SUMF1: variants seen among roughly 807,000 people sequenced by gnomAD.
The protein encoded by SUMF1 is sulfatase modifying factor 1.
A neutral mutation model predicts 47.6 loss-of-function variants in SUMF1; 48 were observed. That is an observed-to-expected ratio of 1.01 (90% CI 0.80 to 1.28). The LOEUF (loss-of-function observed/expected upper bound fraction) is 1.28, where lower values mean the gene tolerates loss of function less well. Among genes scored for constraint, SUMF1 ranks in the 50% most tolerant of loss-of-function variants. SUMF1 has a pLI of 0.00. For missense variants in SUMF1, 571 were observed against 485.4 expected (o/e 1.18, Z -1.66); for synonymous variants, 230 against 192.1 (o/e 1.20, Z -1.63).
At chr3:4,144,019 C>T (rs1488848791) in intron 8 of SUMF1, among the ~76,000 whole-genome samples, 1 of 141,842 alleles carries the variant, frequency 7.1e-6, no homozygotes, top group Non-Finnish European at 1.5e-5. Context: ...TAGACAGGGT[C>T]TCGCTCTGTC....
intron 8 of SUMF1, among the ~76,000 whole-genome samples, chr3:4,333,466 G>C (rs1388325956): frequency 6.6e-6 from 1 of 152,152 alleles, no homozygotes; most frequent in Non-Finnish European, 1.5e-5. Context: ...GCAATTTTTA[G>C]GGCCTAATAT....
chr3:4,188,326 G>A (rs1418506416), intron 8 of SUMF1, among the ~76,000 whole-genome samples: 1 of 151,744 alleles, frequency 6.6e-6, no homozygotes, highest in Admixed American at 6.6e-5. Flanking sequence ...CAGGAGGCAG[G>A]GTTCACTCTT....
intron 8 of SUMF1, among the ~76,000 whole-genome samples, chr3:4,177,874 A>G (rs1031903161): frequency 1.4e-4 from 21 of 152,196 alleles, no homozygotes; most frequent in Admixed American, 1.2e-3. Context: ...CACCAATCCC[A>G]CAGAAATACA....
chr3:4,421,536 G>A lies in SUMF1; in HGVS notation c.520-1390C>T, dbSNP rs1350695577. Among the ~76,000 whole-genome samples the A allele has an allele frequency of 2.0e-5, 3 of 152,152 alleles. No homozygotes were observed. In the East Asian group the frequency reaches 5.8e-4, roughly 29 times the overall value. On this transcript the variant is annotated intron_variant, in intron 3 of 8. Transcript: ENST00000272902. ...ACCCTGTCCCCTAGGCTGGAGAACAGTGGCACGGTCATGGCTCACTGCAGC... is the reference window on the plus strand; with the variant it reads ...ACCCTGTCCCCTAGGCTGGAGAACAATGGCACGGTCATGGCTCACTGCAGC...
chr3:4,120,951 C>G (rs1054470809), intron 8 of SUMF1, among the ~76,000 whole-genome samples: 2 of 152,138 alleles, frequency 1.3e-5, no homozygotes, highest in Non-Finnish European at 2.9e-5. Flanking sequence ...ATTTCACATA[C>G]CTAACCTAGT....
intron 8 of SUMF1, among the ~76,000 whole-genome samples, chr3:4,151,597 A>G (rs1053668397): frequency 2.0e-5 from 3 of 148,490 alleles, no homozygotes; most frequent in African/African-American, 7.5e-5. Context: ...ACATGCAAGT[A>G]TATAGAGCAG....
rs367895371 is a variant in SUMF1 at position 4,064,046 on chromosome 3, G to A, written c.1191+4523C>T. 8.5e-5 allele frequency among the ~76,000 whole-genome samples: 13 copies of A among 152,210 alleles called. 1 individual carries two copies. The South Asian group carries it at 2.5e-3, about 29-fold the overall frequency. ...AAACTGAGGGTGAGATAATGGCCCT[G>A]TCAGAGGCATTTGAACCAGAGTGAC... On this transcript the variant is annotated intron_variant and NMD_transcript_variant, in intron 9 of 12. Coordinates refer to the SUMF1 transcript ENST00000448413.
At chr3:4,171,385 G>C (rs996477464) in intron 8 of SUMF1, among the ~76,000 whole-genome samples, 2 of 152,152 alleles carry the variant, frequency 1.3e-5, no homozygotes, top group African/African-American at 4.8e-5. Context: ...TTAACTTTTT[G>C]AGGTGGTGGT....
chr3:4,184,477 A>G (rs1490742050), intron 8 of SUMF1, among the ~76,000 whole-genome samples: 1 of 152,026 alleles, frequency 6.6e-6, no homozygotes, highest in Non-Finnish European at 1.5e-5. Context: ...AAAGAAAAAA[A>G]GAAAGAAAAA....
intron 8 of SUMF1, among the ~76,000 whole-genome samples, chr3:4,353,058 C>A (rs1227059039): frequency 6.6e-6 from 1 of 152,246 alleles, no homozygotes; most frequent in Admixed American, 6.5e-5. Context: ...TCATTGAGGA[C>A]CCCACAGAAT....
At chr3:4,055,657 AT>A (rs1238193612) in intron 9 of SUMF1, among the ~76,000 whole-genome samples, 1 of 151,894 alleles carries the variant, frequency 6.6e-6, no homozygotes, top group African/African-American at 2.4e-5. Flanking sequence ...TCATTTTTAC[AT>A]TTTTTGTAGA....
intron 8 of SUMF1, among the ~76,000 whole-genome samples, chr3:4,294,135 A>T (rs1025911568): frequency 3.9e-5 from 6 of 152,240 alleles, no homozygotes; most frequent in Admixed American, 3.3e-4. Flanking sequence ...TGTGAGGATC[A>T]AATTTAAAAT....
chr3:4,296,963 C>T lies in SUMF1; in HGVS notation c.1014+79367G>A, dbSNP rs193207823. On this transcript the variant is annotated intron_variant and NMD_transcript_variant, in intron 8 of 12. Coordinates refer to the SUMF1 transcript ENST00000448413. The stretch of plus-strand genomic sequence containing the variant: ...CCAGAAATAGACAGCTGTCCTCTCT[C>T]CTTATCACTCATCTGCTTTATTTTT... Among the ~76,000 whole-genome samples, 39 of 152,262 alleles carry T rather than the reference C, an allele frequency of 2.6e-4. 1 individual carries two copies. The highest frequency in any genetic ancestry group is 2.5e-3 in the Admixed American group (39 of 15,296).
chr3:4,265,773 C>T (rs1481929225), intron 8 of SUMF1, among the ~76,000 whole-genome samples: 1 of 152,146 alleles, frequency 6.6e-6, no homozygotes, highest in Non-Finnish European at 1.5e-5. Flanking sequence ...GTTGCCATTG[C>T]TTTTAGTGTT....
At chr3:4,355,012 A>G (rs963259243) in intron 8 of SUMF1, among the ~76,000 whole-genome samples, 1 of 152,150 alleles carries the variant, frequency 6.6e-6, no homozygotes, top group Non-Finnish European at 1.5e-5. Flanking sequence ...GATCCCAGAC[A>G]ATCTTATCCC....
chr3:4,118,226 A>C (rs961063497), intron 8 of SUMF1, among the ~76,000 whole-genome samples: 4 of 152,080 alleles, frequency 2.6e-5, no homozygotes, highest in Non-Finnish European at 4.4e-5. Context: ...ATTTACAGAG[A>C]GAAGAGAAGA....
intron 3 of SUMF1, among the ~76,000 whole-genome samples, chr3:4,441,803 C>A (rs1485416407): frequency 6.6e-6 from 1 of 152,138 alleles, no homozygotes; most frequent in African/African-American, 2.4e-5. Flanking sequence ...TGTTTTACCT[C>A]AAAACTACAT....
At chr3:4,213,073 T>C (rs942066260) in intron 8 of SUMF1, among the ~76,000 whole-genome samples, 2 of 152,040 alleles carry the variant, frequency 1.3e-5, no homozygotes, top group Non-Finnish European at 2.9e-5. Context: ...ACCACAAAGA[T>C]ACTCCTCAAG....
At chr3:4,143,700 C>T (rs909598817) in intron 8 of SUMF1, among the ~76,000 whole-genome samples, 41 of 152,202 alleles carry the variant, frequency 2.7e-4, no homozygotes, top group African/African-American at 9.1e-4. Flanking sequence ...TTATATAAAA[C>T]TAGGCCCAGG....
Sources: allele counts gnomAD v4.1 joint callset (sites outside exome capture counted in the v4.1 genomes callset), GRCh38; gene constraint gnomAD v4.1.1; transcripts MANE v1.5; gene names NCBI Gene and HGNC (gene_info 2026-07-23, HGNC 2026-07-21).